The following ATG2B variants were observed in gnomAD, a reference collection of about 807,000 sequenced individuals.
ATG2B encodes autophagy-related protein 2 homolog B.
Under a neutral mutation model 241.3 loss-of-function variants are expected in ATG2B, and 121 were observed. The observed-to-expected ratio is 0.50, with a 90% confidence interval of 0.43 to 0.58. The LOEUF (loss-of-function observed/expected upper bound fraction) is 0.58, where lower values mean the gene tolerates loss of function less well. Among genes scored for constraint, ATG2B ranks in the 20% least tolerant of loss-of-function variants. The probability of loss-of-function intolerance (pLI) is 0.00; values close to 1 mark genes in which losing one functional copy is unlikely to be tolerated. For synonymous variants in ATG2B, 858 were observed against 876.6 expected (o/e 0.98, Z 0.37); for missense variants, 2,306 against 2,491.6 (o/e 0.93, Z 1.59).
chr14:96,332,657 T>C lies in ATG2B; in HGVS notation c.1208-2A>G. On this transcript the variant is annotated splice_acceptor_variant, in intron 8 of 41. Transcript: ENST00000359933. LOFTEE classifies it high-confidence loss of function. ...CCATGGAGAAGAATACTTCTTCTTCTAGAGAGAATTAAACTATGTCACTTG... is the reference window on the plus strand; with the variant it reads ...CCATGGAGAAGAATACTTCTTCTTCCAGAGAGAATTAAACTATGTCACTTG... The C allele has an allele frequency of 1.3e-6, 2 of 1,550,206 alleles. No homozygotes were observed. The highest frequency in any genetic ancestry group is 1.7e-6 in the Non-Finnish European group (2 of 1,156,212).
At chr14:96,331,290 A>G in intron 11 of ATG2B, 86 bp downstream of exon 11, 1 of 1,295,872 alleles carries the variant, frequency 7.7e-7, no homozygotes, top group South Asian at 1.5e-5. Flanking sequence ...ATAGGCAGAT[A>G]CAAAAGTCCA....
At chr14:96,314,954 G>A (rs144623125) in intron 23 of ATG2B, among the ~76,000 whole-genome samples, 200 bp downstream of exon 23, 2,178 of 152,338 alleles carry the variant, frequency 0.014, 53 homozygotes, top group African/African-American at 0.049. Flanking sequence ...GCTTCCCAAA[G>A]TGCTGGGATT....
In ATG2B at chr14:96,347,181, G is replaced by T. The variant is rs766287562; in HGVS notation, c.323C>A (p.Pro108Gln). The change falls in exon 2 of 42, where the codon CCA becomes CAA. Residue 108 changes from proline (P) to glutamine (Q), a missense_variant and splice_region_variant. Physicochemically the swap from Pro to Gln is moderately conservative, Grantham distance 76 (BLOSUM62 -1). Coordinates refer to ENST00000359933, the MANE Select transcript of ATG2B (RefSeq NM_018036.7). Reference sequence around the variant, plus strand: ...ACAGAAACATACAACACACCAACCTGGGCGAGGTCTAGGCCGGAAGACCAT... The same window carrying T: ...ACAGAAACATACAACACACCAACCTTGGCGAGGTCTAGGCCGGAAGACCAT... ...LEMVFRPRPR[P>Q]ATGSEPMYWS... 6.3e-7 allele frequency: 1 copy of T among 1,577,894 alleles called. No homozygotes were observed. Among genetic ancestry groups the T allele is most frequent in the South Asian group, 1.1e-5 (1 of 87,932 alleles).
intron 36 of ATG2B, 57 bp from the exon 37 acceptor site, chr14:96,292,155 T>C: frequency 9.2e-7 from 1 of 1,081,888 alleles, no homozygotes; most frequent in Non-Finnish European, 1.4e-6. Flanking sequence ...TAGGTGAAAT[T>C]AGATATAAAT....
Position 96,333,875 on chromosome 14 carries a change from T to TATAAGC in ATG2B, c.1022-8_1022-3dup. On this transcript the variant is annotated splice_region_variant and splice_polypyrimidine_tract_variant and intron_variant, in intron 7 of 41. Transcript: ENST00000359933. ...CTAACCCTATTTTGCTAGAATTTTC[T>TATAAGC]ATAAGCATACAAAAGGAAACCAAAA... 6.2e-7 allele frequency: 1 copy of TATAAGC among 1,612,438 alleles called. No homozygotes were observed. Among genetic ancestry groups the TATAAGC allele is most frequent in the South Asian group, 1.1e-5 (1 of 91,006 alleles).
chr14:96,316,996 T>TCA, intron 20 of ATG2B, 149 bp downstream of exon 20: 1 of 764,710 alleles, frequency 1.3e-6, no homozygotes, highest in Non-Finnish European at 2.1e-6. Context: ...AAAGTTGCTA[T>TCA]CATCATGGTT....
At chr14:96,313,721 A>C (rs1887228202) in intron 23 of ATG2B, among the ~76,000 whole-genome samples, 1 of 152,180 alleles carries the variant, frequency 6.6e-6, no homozygotes, top group African/African-American at 2.4e-5. Context: ...AATAAAAATA[A>C]ATTTTTTAAA....
intron 28 of ATG2B, 86 bp downstream of exon 28, chr14:96,311,031 C>T (rs1434758885): frequency 7.4e-6 from 9 of 1,223,684 alleles, no homozygotes; most frequent in Non-Finnish European, 3.3e-6. Context: ...AGTTTCTTTT[C>T]TACCTTATGA....
Position 96,316,703 on chromosome 14 carries a change from A to G in ATG2B, c.3211-20T>C, listed in dbSNP as rs766615639. ...ATCTTGCTAGTAAAAAGATCAGAAA[A>G]ACACAGAAGTTATTACTTAAATGCA... On this transcript the variant is annotated intron_variant, in intron 20 of 41. Coordinates refer to ENST00000359933, the MANE Select transcript of ATG2B (RefSeq NM_018036.7). The G allele has an allele frequency of 3.8e-6, 6 of 1,593,366 alleles. No individual in the cohort carries two copies. In the South Asian group the frequency reaches 4.6e-5, roughly 12 times the overall value.
chr14:96,343,102 T>G lies in ATG2B; in HGVS notation c.744+17A>C. 6.6e-7 allele frequency: 1 copy of G among 1,525,354 alleles called. No homozygotes were observed. Among genetic ancestry groups the G allele is most frequent in the Non-Finnish European group, 8.8e-7 (1 of 1,135,542 alleles). 94.5% of individuals were successfully genotyped at this position (1,525,354 alleles called of 1,614,324 possible). ...AAAATCTATGATTATGGTTTTAGGG[T>G]TTTTGTTTTTTCTTACCACTGGTGC... On this transcript the variant is annotated intron_variant, in intron 5 of 41. Transcript: ENST00000359933.
intron 34 of ATG2B, 72 bp downstream of exon 34, chr14:96,301,935 T>A: frequency 8.3e-7 from 1 of 1,206,906 alleles, no homozygotes; most frequent in Non-Finnish European, 1.2e-6. Context: ...ATGATAAACA[T>A]TACAATTTCT....
At chr14:96,352,274 C>A (rs1396893607) in intron 1 of ATG2B, among the ~76,000 whole-genome samples, 1 of 152,128 alleles carries the variant, frequency 6.6e-6, no homozygotes, top group Non-Finnish European at 1.5e-5. Context: ...AACAGTTATA[C>A]ACAGTACATA....
At chr14:96,306,689 T>C (rs1886958487) in intron 30 of ATG2B, 25 bp downstream of exon 30, 2 of 1,595,412 alleles carry the variant, frequency 1.3e-6, no homozygotes, top group Non-Finnish European at 1.7e-6. Context: ...CATTCAAGGC[T>C]TCAATAATGT....
At chr14:96,341,432 G>A in intron 6 of ATG2B, 90 bp downstream of exon 6, 1 of 994,206 alleles carries the variant, frequency 1.0e-6, no homozygotes. Context: ...AGGATAATCT[G>A]CAGTAATCAA....
At chr14:96,308,149 T>C (rs1156525843) in intron 29 of ATG2B, among the ~76,000 whole-genome samples, 3 of 144,384 alleles carry the variant, frequency 2.1e-5, no homozygotes, top group African/African-American at 5.1e-5. Flanking sequence ...TATATACATA[T>C]ACACACACAC....
At position 96,306,840 on chromosome 14, in the gene ATG2B, A is replaced by C. The variant is rs745352732; in HGVS notation, c.4380T>G (p.Asn1460Lys). Reference sequence around the variant, plus strand: ...AGGTGGGGCCGGACTCCTGGGATACATTCCCACTCTCGTCAGGAAACAGGA... The same window carrying C: ...AGGTGGGGCCGGACTCCTGGGATACCTTCCCACTCTCGTCAGGAAACAGGA... ...DLFLFPDESG[N>K]VSQESGPTYA... Residue 1460 changes from asparagine to lysine, a missense_variant, in exon 30 of 42, where the codon AAT becomes AAG. Physicochemically the swap from Asn to Lys is moderately conservative, Grantham distance 94. Around this residue, in one of 2 missense-constraint regions of ATG2B, gnomAD observed 1,927 missense variants for 2,011.2 expected, o/e 0.96. Coordinates refer to ENST00000359933, the MANE Select transcript of ATG2B (RefSeq NM_018036.7). 1.2e-6 allele frequency: 2 copies of C among 1,614,150 alleles called. No homozygotes were observed. Among genetic ancestry groups the C allele is most frequent in the South Asian group, 2.2e-5 (2 of 91,078 alleles).
chr14:96,329,909 T>C (rs926369867), intron 11 of ATG2B, among the ~76,000 whole-genome samples: 1 of 152,134 alleles, frequency 6.6e-6, no homozygotes, highest in Non-Finnish European at 1.5e-5. Context: ...ATATATGAAA[T>C]AGTCTCTTAA....
chr14:96,327,092 C>T (rs894072755), intron 14 of ATG2B, among the ~76,000 whole-genome samples: 4 of 151,990 alleles, frequency 2.6e-5, no homozygotes, highest in South Asian at 2.1e-4. Context: ...AAAACTTAAC[C>T]GGGTGTGGTG....
intron 19 of ATG2B, 126 bp from the exon 20 acceptor site, chr14:96,317,443 C>T: frequency 1.2e-6 from 1 of 848,492 alleles, no homozygotes; most frequent in Non-Finnish European, 1.8e-6. Context: ...CACAGAAATA[C>T]ATACTGTTTT....
Sources: gnomAD v4.1 joint callset for allele counts (sites outside exome capture counted in the v4.1 genomes callset) on GRCh38, gnomAD v4.1.1 for gene constraint, gnomAD v4.1.1 regional missense constraint, MANE v1.5 for transcripts, NCBI Gene and HGNC (gene_info 2026-07-23, HGNC 2026-07-21) for gene names.